Variants in PTPRD observed in about 807,000 individuals in gnomAD.
PTPRD encodes protein tyrosine phosphatase receptor type D.
A neutral mutation model predicts 214.5 loss-of-function variants in PTPRD; 34 were observed. The ratio of observed to expected loss-of-function variants is 0.16; its 90% CI spans 0.12 to 0.21. The LOEUF (loss-of-function observed/expected upper bound fraction) is 0.21, where lower values mean the gene tolerates loss of function less well. Ranked by LOEUF, PTPRD falls within the 10% of genes least tolerant of loss-of-function variation. The probability of loss-of-function intolerance (pLI) is 1.00; values close to 1 mark genes in which losing one functional copy is unlikely to be tolerated. For synonymous variants in PTPRD, 1,128 were observed against 845.7 expected (o/e 1.33, Z -5.79); for missense variants, 2,545 against 2,398.7 (o/e 1.06, Z -1.27).
intron 2 of PTPRD, among the ~76,000 whole-genome samples, chr9:10,416,908 T>C (rs1198776791): frequency 1.3e-5 from 2 of 151,906 alleles, no homozygotes; most frequent in East Asian, 3.9e-4. Context: ...TGGAAAATAA[T>C]TGTTTGATGC....
intron 21 of PTPRD, among the ~76,000 whole-genome samples, chr9:8,514,835 C>T (rs2097756632): frequency 6.6e-6 from 1 of 152,100 alleles, no homozygotes; most frequent in Non-Finnish European, 1.5e-5. Flanking sequence ...AAAGAAGGGA[C>T]CTGGTGGGAG....
chr9:10,252,669 A>G (rs1254998069), intron 3 of PTPRD, among the ~76,000 whole-genome samples: 2 of 152,234 alleles, frequency 1.3e-5, no homozygotes, highest in Non-Finnish European at 2.9e-5. Context: ...CGATAGATAA[A>G]TTAGCATAAT....
intron 7 of PTPRD, among the ~76,000 whole-genome samples, chr9:9,645,321 G>C (rs1186082897): frequency 6.6e-6 from 1 of 152,060 alleles, no homozygotes; most frequent in East Asian, 1.9e-4. Flanking sequence ...TTGCTCTAGA[G>C]ACAAAATGAT....
chr9:9,216,929 A>G lies in PTPRD; in HGVS notation c.-202-33566T>C, dbSNP rs182703092. Among the ~76,000 whole-genome samples the G allele has an allele frequency of 1.3e-3, 197 of 151,958 alleles. 3 individuals are homozygous for G. Among genetic ancestry groups the G allele is most frequent in the African/African-American group, 4.3e-3 (179 of 41,462 alleles). On this transcript the variant is annotated intron_variant, in intron 9 of 45. Transcript: ENST00000381196. Reference sequence around the variant, plus strand: ...TTGTTTTTTCTTCTGAATTATTTCTATTTTTTTTCTATTATTTCCCACATT... The same window carrying G: ...TTGTTTTTTCTTCTGAATTATTTCTGTTTTTTTTCTATTATTTCCCACATT...
chr9:9,178,961 G>C (rs1169364368), intron 10 of PTPRD, among the ~76,000 whole-genome samples: 1 of 152,010 alleles, frequency 6.6e-6, no homozygotes, highest in African/African-American at 2.4e-5. Flanking sequence ...TTAGAGACCT[G>C]AATATGTTCC....
intron 9 of PTPRD, among the ~76,000 whole-genome samples, chr9:9,334,941 T>C (rs1595947730): frequency 6.6e-6 from 1 of 151,960 alleles, no homozygotes; most frequent in South Asian, 2.1e-4. Flanking sequence ...AAAAAAACCT[T>C]ATGAAGGTAG....
At chr9:9,023,914 T>A (rs2099578086) in intron 10 of PTPRD, among the ~76,000 whole-genome samples, 1 of 152,090 alleles carries the variant, frequency 6.6e-6, no homozygotes, top group African/African-American at 2.4e-5. Context: ...TTGCACAGCT[T>A]TCTCATTATC....
chr9:9,813,662 G>A (rs922181854), intron 5 of PTPRD, among the ~76,000 whole-genome samples: 5 of 152,000 alleles, frequency 3.3e-5, no homozygotes, highest in African/African-American at 4.8e-5. Flanking sequence ...GGGGCAAAAC[G>A]TCCTCACGAA....
intron 33 of PTPRD, among the ~76,000 whole-genome samples, chr9:8,456,001 T>C (rs1239889222): frequency 6.6e-6 from 1 of 152,190 alleles, no homozygotes; most frequent in African/African-American, 2.4e-5. Context: ...TAAATTTAAA[T>C]TATAGGCCGA....
chr9:10,265,859 A>G (rs1211080051), intron 3 of PTPRD, among the ~76,000 whole-genome samples: 1 of 152,180 alleles, frequency 6.6e-6, no homozygotes, highest in East Asian at 1.9e-4. Flanking sequence ...CTGTCATTAG[A>G]AGTTGCATTA....
chr9:10,236,188 C>G (rs1489873706), intron 3 of PTPRD, among the ~76,000 whole-genome samples: 1 of 151,842 alleles, frequency 6.6e-6, no homozygotes, highest in Non-Finnish European at 1.5e-5. Flanking sequence ...AGAATTCTAG[C>G]CAGGAAGCTA....
chr9:9,302,800 T>A (rs570238865), intron 9 of PTPRD, among the ~76,000 whole-genome samples: 4 of 151,942 alleles, frequency 2.6e-5, no homozygotes, highest in African/African-American at 7.2e-5. Flanking sequence ...AACTCCTATG[T>A]ATGCTCCTTT....
At chr9:10,089,793 A>G (rs1407260679) in intron 3 of PTPRD, among the ~76,000 whole-genome samples, 1 of 151,682 alleles carries the variant, frequency 6.6e-6, no homozygotes, top group Admixed American at 6.6e-5. Flanking sequence ...TAAATGAACT[A>G]GGTGACGGGC....
chr9:10,547,455 A>T (rs1465632917), intron 2 of PTPRD, among the ~76,000 whole-genome samples: 1 of 152,014 alleles, frequency 6.6e-6, no homozygotes, highest in African/African-American at 2.4e-5. Context: ...TAGTCTTTTG[A>T]TACCTTCTCA....
chr9:10,542,587 CT>C (rs1397575310), intron 2 of PTPRD, among the ~76,000 whole-genome samples: 18 of 151,982 alleles, frequency 1.2e-4, no homozygotes, highest in Admixed American at 3.9e-4. Context: ...ATAAACATTT[CT>C]TATTTATTTT....
intron 3 of PTPRD, among the ~76,000 whole-genome samples, chr9:10,203,606 C>G (rs1453212191): frequency 6.6e-6 from 1 of 152,124 alleles, no homozygotes; most frequent in Non-Finnish European, 1.5e-5. Flanking sequence ...GCTAGATAAG[C>G]TCTATGGATC....
intron 43 of PTPRD, among the ~76,000 whole-genome samples, chr9:8,336,507 G>C (rs1846902171): frequency 1.5e-5 from 2 of 137,658 alleles, no homozygotes; most frequent in African/African-American, 5.3e-5. Flanking sequence ...AGAAAACCTA[G>C]GCAATACCAT....
intron 10 of PTPRD, among the ~76,000 whole-genome samples, chr9:9,144,213 A>G (rs981338364): frequency 6.6e-6 from 1 of 152,198 alleles, no homozygotes; most frequent in Non-Finnish European, 1.5e-5. Flanking sequence ...CTCTGTGACA[A>G]AACCCTGAGT....
In PTPRD at chr9:9,732,343, AAAAC is replaced by A. The variant is rs953485029; in HGVS notation, c.-287+2186_-287+2189del. Among the ~76,000 whole-genome samples the A allele has an allele frequency of 1.4e-4, 22 of 152,266 alleles. No homozygotes were observed. The Middle Eastern group carries it at 0.01, about 71-fold the overall frequency. ...CATTTTCCCACACTGGTCACATTAAAAAACAAACAAACAAACAAGCAGGAGAATA... is the reference window on the plus strand; with the variant it reads ...CATTTTCCCACACTGGTCACATTAAAAAACAAACAAACAAGCAGGAGAATA... On this transcript the variant is annotated intron_variant, in intron 7 of 45. Transcript: ENST00000381196.
Sources: allele counts gnomAD v4.1 joint callset (sites outside exome capture counted in the v4.1 genomes callset), GRCh38; gene constraint gnomAD v4.1.1; transcripts MANE v1.5; gene names NCBI Gene and HGNC (gene_info 2026-07-23, HGNC 2026-07-21).